The following PARP8 variants were observed in gnomAD, a reference collection of about 807,000 sequenced individuals.
The protein encoded by PARP8 is poly(ADP-ribose) polymerase family member 8, also known as protein mono-ADP-ribosyltransferase PARP8.
Under a neutral mutation model 124.1 loss-of-function variants are expected in PARP8, and 51 were observed. The observed-to-expected ratio is 0.41, with a 90% CI of 0.33 to 0.52. PARP8 has a LOEUF of 0.52. Among genes scored for constraint, PARP8 ranks in the 20% least tolerant of loss-of-function variants. The pLI is 0.21. For missense variants in PARP8, 860 were observed against 1,018.9 expected (o/e 0.84, Z 2.12); for synonymous variants, 391 against 361.5 (o/e 1.08, Z -0.93).
At chr5:50,757,268 A>G (rs556540487) in intron 3 of PARP8, 18 of 384,214 alleles carry the variant, frequency 4.7e-5, no homozygotes, top group African/African-American at 3.8e-4. Flanking sequence ...ACTGAATCAT[A>G]AAAAAAAACA....
At chr5:50,717,579 A>G (rs1275391963) in intron 2 of PARP8, among the ~76,000 whole-genome samples, 3 of 151,916 alleles carry the variant, frequency 2.0e-5, no homozygotes, top group South Asian at 2.1e-4. Context: ...AGATGATACA[A>G]TATCTGTGCA....
At position 50,709,932 on chromosome 5, in the gene PARP8, A is replaced by G. The variant is rs1374863712; in HGVS notation, c.147-40219A>G. Among the ~76,000 whole-genome samples the G allele has an allele frequency of 4.8e-3, 386 of 81,108 alleles. 3 individuals are homozygous for G. Among genetic ancestry groups the G allele is most frequent in the African/African-American group, 0.012 (347 of 28,496 alleles). The allele number at this position is 81,108 out of a possible 152,430, so 53.2% of individuals were successfully genotyped here. A position where few individuals can be genotyped will look rare whatever the true frequency, so the allele number is the denominator to read the frequency against. On this transcript the variant is annotated intron_variant, in intron 2 of 25. Transcript: ENST00000281631. The stretch of plus-strand genomic sequence containing the variant: ...TGAGGTAGAAAGAGTGTATATATAT[A>G]TATATATATATATATATATATATAC...
At chr5:50,741,477 C>T (rs1181406905) in intron 2 of PARP8, among the ~76,000 whole-genome samples, 1 of 152,136 alleles carries the variant, frequency 6.6e-6, no homozygotes, top group Non-Finnish European at 1.5e-5. Flanking sequence ...TAATCAATGT[C>T]AGACTTAGTT....
intron 7 of PARP8, among the ~76,000 whole-genome samples, chr5:50,763,943 C>T (rs1760809321): frequency 6.6e-6 from 1 of 152,294 alleles, no homozygotes; most frequent in Non-Finnish European, 1.5e-5. Flanking sequence ...AGTCTGGCCC[C>T]TTTATGCTCC....
chr5:50,841,763 A>G (rs1000766257), intron 25 of PARP8, among the ~76,000 whole-genome samples: 2 of 151,518 alleles, frequency 1.3e-5, no homozygotes, highest in African/African-American at 4.8e-5. Context: ...AATGGAAGAA[A>G]GGGGAAAATT....
chr5:50,801,493 A>C (rs1743226528), intron 14 of PARP8, among the ~76,000 whole-genome samples: 2 of 152,112 alleles, frequency 1.3e-5, no homozygotes, highest in African/African-American at 4.8e-5. Flanking sequence ...TATGTGAGTA[A>C]TTTATTAGTA....
intron 2 of PARP8, among the ~76,000 whole-genome samples, chr5:50,721,956 C>T (rs1580095281): frequency 6.6e-6 from 1 of 152,084 alleles, no homozygotes; most frequent in East Asian, 1.9e-4. Flanking sequence ...CTATATCATG[C>T]CCTAAAAATG....
intron 7 of PARP8, among the ~76,000 whole-genome samples, chr5:50,773,873 G>C (rs1012204878): frequency 2.0e-5 from 3 of 146,866 alleles, no homozygotes; most frequent in Admixed American, 6.8e-5. Context: ...TCATTCTTGG[G>C]TGTTTCTTGG....
intron 2 of PARP8, among the ~76,000 whole-genome samples, chr5:50,693,081 T>C (rs1752666185): frequency 6.6e-6 from 1 of 152,164 alleles, no homozygotes; most frequent in Non-Finnish European, 1.5e-5. Context: ...CAAACTAAAA[T>C]GCCAAAGGAA....
At chr5:50,792,806 A>G (rs1561387186) in intron 10 of PARP8, among the ~76,000 whole-genome samples, 1 of 152,116 alleles carries the variant, frequency 6.6e-6, no homozygotes, top group African/African-American at 2.4e-5. Context: ...CCACTGCTAA[A>G]AGGGCCCCAA....
intron 9 of PARP8, among the ~76,000 whole-genome samples, chr5:50,780,988 C>A (rs185016500): frequency 1.9e-4 from 29 of 152,132 alleles, no homozygotes; most frequent in African/African-American, 6.7e-4. Flanking sequence ...GCATGATATA[C>A]CTGAGTCTTA....
chr5:50,770,120 G>T (rs1043468739), intron 7 of PARP8, among the ~76,000 whole-genome samples: 1 of 151,868 alleles, frequency 6.6e-6, no homozygotes, highest in Non-Finnish European at 1.5e-5. Context: ...TTTTTGTATC[G>T]ACTCCTTCAC....
chr5:50,689,011 T>C (rs1179145006), intron 2 of PARP8, among the ~76,000 whole-genome samples: 1 of 149,052 alleles, frequency 6.7e-6, no homozygotes, highest in Non-Finnish European at 1.5e-5. Flanking sequence ...TGTTTAAATA[T>C]GAATGAATTT....
At chr5:50,725,229 G>A (rs1227475322) in intron 2 of PARP8, among the ~76,000 whole-genome samples, 1 of 151,644 alleles carries the variant, frequency 6.6e-6, no homozygotes, top group Non-Finnish European at 1.5e-5. Flanking sequence ...AATATATTAT[G>A]ATACTCTTTA....
At chr5:50,834,622 T>C (rs1747357191) in intron 24 of PARP8, among the ~76,000 whole-genome samples, 1 of 152,154 alleles carries the variant, frequency 6.6e-6, no homozygotes, top group Non-Finnish European at 1.5e-5. Flanking sequence ...CAACACACGG[T>C]AGTTATATAG....
intron 2 of PARP8, among the ~76,000 whole-genome samples, chr5:50,722,822 C>T (rs1756040035): frequency 1.3e-5 from 2 of 152,042 alleles, no homozygotes; most frequent in African/African-American, 4.8e-5. Context: ...GAGTTGTATA[C>T]TCACTAGGAG....
In PARP8 at chr5:50,844,038, T is replaced by C. The variant is rs1748426420; in HGVS notation, c.*1970T>C. The C allele has an allele frequency of 1.3e-5, 2 of 151,716 alleles. No homozygotes were observed. Among genetic ancestry groups the C allele is most frequent in the South Asian group, 2.1e-4 (1 of 4,830 alleles). The allele number at this position is 151,716 out of a possible 1,614,324, so 9.4% of individuals were successfully genotyped here. A position where few individuals can be genotyped will look rare whatever the true frequency, so the allele number is the denominator to read the frequency against. ...TAATCCATTATGGCTTTACTTAACA[T>C]TGGAGTGATCCGTAAAGAATATAGT... is the stretch of plus-strand genomic sequence containing the variant. On this transcript the variant is annotated 3_prime_UTR_variant, in exon 26 of 26. Transcript: ENST00000281631.
At chr5:50,676,536 G>T (rs1398162752) in intron 2 of PARP8, among the ~76,000 whole-genome samples, 2 of 152,156 alleles carry the variant, frequency 1.3e-5, no homozygotes, top group Non-Finnish European at 2.9e-5. Flanking sequence ...CGTCTCATAG[G>T]GAAGTGTTAG....
chr5:50,838,701 G>A (rs572477718), intron 25 of PARP8, among the ~76,000 whole-genome samples: 3 of 151,936 alleles, frequency 2.0e-5, no homozygotes, highest in Non-Finnish European at 4.4e-5. Context: ...CCAACATATA[G>A]AGTCGCTTCT....
Sources: allele counts gnomAD v4.1 joint callset (sites outside exome capture counted in the v4.1 genomes callset), GRCh38; gene constraint gnomAD v4.1.1; transcripts MANE v1.5; gene names NCBI Gene and HGNC (gene_info 2026-07-23, HGNC 2026-07-21).